ZNF205: variants seen among roughly 807,000 people sequenced by gnomAD.
ZNF205 encodes transcriptional repressor RHIT.
ZNF205 carries 32 observed loss-of-function variants against 53.6 expected under a neutral mutation model. The ratio of observed to expected loss-of-function variants is 0.60; its 90% CI spans 0.45 to 0.80. The LOEUF is 0.80. ZNF205 is among the 30% of genes least tolerant of loss of function. The pLI is 0.00. For missense variants in ZNF205, 836 were observed against 782.4 expected, an observed-to-expected ratio of 1.07 and a Z score of -0.82; for synonymous variants, 382 against 334.3, an observed-to-expected ratio of 1.14 and a Z score of -1.56.
rs146514825 is a variant in ZNF205, at chr16:3,115,845, G to A, written c.288G>A (p.Arg96=). The part of the protein sequence containing the change: ...FLPGGALPSP[R]IPVLSREGRT... Reference sequence around the variant, plus strand: ...CTCCCACAGCCCTCCCCTCCCCCCGGATCCCCGTGCTTTCCCGAGAGGGGA... The same window carrying A: ...CTCCCACAGCCCTCCCCTCCCCCCGAATCCCCGTGCTTTCCCGAGAGGGGA... Residue 96 remains arginine (R), a synonymous_variant, in exon 4 of 7, where the codon CGG becomes CGA. Coordinates refer to ENST00000219091, the MANE Select transcript of ZNF205 (RefSeq NM_001042428.2). The A allele has an allele frequency of 1.2e-6, 2 of 1,613,824 alleles. No homozygotes were observed. Among genetic ancestry groups the A allele is most frequent in the Non-Finnish European group, 1.7e-6 (2 of 1,179,882 alleles).
At chr16:3,118,108 C>T (rs1374467073) in intron 5 of ZNF205, among the ~76,000 whole-genome samples, 2 of 150,450 alleles carry the variant, frequency 1.3e-5, no homozygotes, top group Non-Finnish European at 3.0e-5. Flanking sequence ...GTGATCCGCC[C>T]ACCTCGGCCT....
chr16:3,119,606 G>T lies in ZNF205; in HGVS notation c.946G>T (p.Gly316Cys). ...CTACCGGTGCGAGCAGTGCGGCAAG[G>T]GCTTCAGCTGGCACTCGCACCTGGT... Reference protein sequence around the residue: ...KSYRCEQCGKGFSWHSHLVTH... With the variant: ...KSYRCEQCGKCFSWHSHLVTH... The change falls in exon 7 of 7, where the codon GGC becomes TGC. Residue 316 changes from glycine to cysteine, a missense_variant. Transcript: ENST00000219091. The T allele has an allele frequency of 6.2e-7, 1 of 1,610,394 alleles. No homozygotes were observed.
rs751972089 is a variant in ZNF205, at chr16:3,120,304, A to G, written c.1644A>G (p.Thr548=). ...LGAAAAGALA[T]PPPAPT Reference sequence around the variant, plus strand: ...CGGCGGCGGCGGGGGCTCTGGCCACACCCCCACCCGCTCCCACCTAGGAGG... The same window carrying G: ...CGGCGGCGGCGGGGGCTCTGGCCACGCCCCCACCCGCTCCCACCTAGGAGG... The change falls in exon 7 of 7, where the codon ACA becomes ACG. Residue 548 remains threonine (T), a synonymous_variant. Coordinates refer to ENST00000219091, the MANE Select transcript of ZNF205 (RefSeq NM_001042428.2). The G allele has an allele frequency of 8.3e-6, 13 of 1,568,238 alleles. No individual in the cohort carries two copies. In the South Asian group the frequency reaches 1.4e-4, roughly 17 times the overall value.
chr16:3,116,414 C>G lies in ZNF205; in HGVS notation c.364-13C>G, dbSNP rs560055062. On this transcript the variant is annotated splice_polypyrimidine_tract_variant and intron_variant, in intron 4 of 6. Transcript: ENST00000219091. ...GTCATGTCCTGGAGAGTGGATGTTT[C>G]ACATTGTTTCAGATGCCAGTGACTT... is the stretch of plus-strand genomic sequence containing the variant. 6 of 1,613,818 alleles carry G rather than the reference C, an allele frequency of 3.7e-6. No individual in the cohort carries two copies. In the African/African-American group the frequency reaches 8.0e-5, roughly 22 times the overall value.
At chr16:3,114,645 T>C (rs1392208419) in intron 2 of ZNF205, 1 of 152,234 alleles carries the variant, frequency 6.6e-6, no homozygotes, top group African/African-American at 2.4e-5. Flanking sequence ...TAGTCTCCCG[T>C]GGCTGCTGTA....
At chr16:3,115,263 A>C in intron 2 of ZNF205, 92 bp from the exon 3 acceptor site, 1 of 1,012,062 alleles carries the variant, frequency 9.9e-7, no homozygotes, top group African/African-American at 1.7e-5. Context: ...TGCGTCTTGC[A>C]TGTTGGTTTC....
In ZNF205 at chr16:3,119,949, C is replaced by A. The variant is rs747245937; in HGVS notation, c.1289C>A (p.Thr430Lys). Residue 430 changes from threonine to lysine, a missense_variant, in exon 7 of 7, where the codon ACG becomes AAG. Coordinates refer to ENST00000219091, the MANE Select transcript of ZNF205 (RefSeq NM_001042428.2). ...TGCCCCATCTGCGCCAAGTGCTTCA[C>A]GCAGAGCTCGGCGCTAGTCACCCAC... ...HKCPICAKCF[T>K]QSSALVTHQR... 2 of 1,613,526 alleles carry A rather than the reference C, an allele frequency of 1.2e-6. No homozygotes were observed. Among genetic ancestry groups the A allele is most frequent in the Non-Finnish European group, 1.7e-6 (2 of 1,179,906 alleles).
At chr16:3,119,189 C>A (rs1398405293) in intron 6 of ZNF205, 67 bp from the exon 7 acceptor site, 18 of 1,520,968 alleles carry the variant, frequency 1.2e-5, no homozygotes, top group Non-Finnish European at 1.5e-5. Context: ...CTTAGCTCTG[C>A]CTTCTCCACC....
At chr16:3,118,116 C>A (rs1957368880) in intron 5 of ZNF205, among the ~76,000 whole-genome samples, 1 of 150,530 alleles carries the variant, frequency 6.6e-6, no homozygotes, top group Admixed American at 6.7e-5. Context: ...CCCACCTCGG[C>A]CTCCCAAAGT....
chr16:3,120,322 C>A lies in ZNF205; in HGVS notation c.1662C>A (p.Thr554=). Residue 554 remains threonine, a synonymous_variant, in exon 7 of 7, where the codon ACC becomes ACA. Coordinates refer to ENST00000219091, the MANE Select transcript of ZNF205 (RefSeq NM_001042428.2). ...GALATPPPAP[T] is the part of the protein sequence containing the mutation. ...TGGCCACACCCCCACCCGCTCCCAC[C>A]TAGGAGGCCAGGAAAGGGGGAGCGG... 1 of 1,537,804 alleles carries A rather than the reference C, an allele frequency of 6.5e-7. No individual in the cohort carries two copies.
intron 5 of ZNF205, among the ~76,000 whole-genome samples, chr16:3,118,027 T>TC (rs1567177456): frequency 7.1e-6 from 1 of 141,738 alleles, no homozygotes; most frequent in Non-Finnish European, 1.6e-5. Flanking sequence ...TTTTTTTTTT[T>TC]TTTTTTTTGT....
rs1052675071 is a variant in ZNF205, at chr16:3,120,461, G to C, written c.*136G>C. 3 of 1,056,134 alleles carry C rather than the reference G, an allele frequency of 2.8e-6. No homozygotes were observed. The highest frequency in any genetic ancestry group is 2.9e-5 in the Admixed American group (1 of 34,218). The allele number at this position is 1,056,134 out of a possible 1,614,324, so 65.4% of individuals were successfully genotyped here. A position where few individuals can be genotyped will look rare whatever the true frequency, so the allele number is the denominator to read the frequency against. ...GCATGGGGTGAGGCATGGCGATGGG[G>C]GAGGGCGAGGGCGAGAAAGGGCAGG... On this transcript the variant is annotated 3_prime_UTR_variant, in exon 7 of 7. Coordinates refer to ENST00000219091, the MANE Select transcript of ZNF205 (RefSeq NM_001042428.2).
In ZNF205 at chr16:3,119,715, T is replaced by C. The variant is rs777878449; in HGVS notation, c.1055T>C (p.Ile352Thr). The C allele has an allele frequency of 1.2e-6, 2 of 1,611,380 alleles. No homozygotes were observed. Among genetic ancestry groups the C allele is most frequent in the South Asian group, 1.1e-5 (1 of 90,972 alleles). ...CGCTTCGGCCGCAGCTCGCACCTCA[T>C]CCAGCACCAGATCATCCACACGGGC... Reference protein sequence around the residue: ...GKRFGRSSHLIQHQIIHTGEK... With the variant: ...GKRFGRSSHLTQHQIIHTGEK... Residue 352 changes from isoleucine (I) to threonine (T), a missense_variant, in exon 7 of 7, where the codon ATC (isoleucine) becomes ACC (threonine). By Grantham distance (89) the Ile-to-Thr change is moderately conservative (BLOSUM62 -1). Transcript: ENST00000219091.
rs1346434985 is a variant in ZNF205, at chr16:3,119,961, C to T, written c.1301C>T (p.Ala434Val). The T allele has an allele frequency of 1.9e-6, 3 of 1,613,270 alleles. No homozygotes were observed. Among genetic ancestry groups the T allele is most frequent in the Non-Finnish European group, 2.5e-6 (3 of 1,179,878 alleles). Residue 434 changes from alanine (A) to valine (V), a missense_variant, in exon 7 of 7, where the codon GCG becomes GTG. Transcript: ENST00000219091. ...ICAKCFTQSS[A>V]LVTHQRTHTG... ...GCCAAGTGCTTCACGCAGAGCTCGG[C>T]GCTAGTCACCCACCAGCGCACCCAC...
At chr16:3,116,373 C>T (rs912913308) in intron 4 of ZNF205, 54 bp from the exon 5 acceptor site, 6 of 1,604,794 alleles carry the variant, frequency 3.7e-6, no homozygotes, top group Non-Finnish European at 5.1e-6. Flanking sequence ...CCATGGTGTC[C>T]CTCCACCGTG....
At position 3,119,351 on chromosome 16, in the gene ZNF205, G is replaced by A. The variant is rs1354053392; in HGVS notation, c.691G>A (p.Gly231Ser). ...AACCAGGGCAGGGAGAGTCCAGTGG[G>A]GCGTCCCGCAGTGCGCGCAGGAAGC... ...FRTRAGRVQW[G>S]VPQCAQEAAC... Residue 231 changes from glycine to serine, a missense_variant, in exon 7 of 7, where the codon GGC becomes AGC. Physicochemically the swap from Gly to Ser is moderately conservative, Grantham distance 56 (BLOSUM62 0). Transcript: ENST00000219091. 2 of 1,612,692 alleles carry A rather than the reference G, an allele frequency of 1.2e-6. No individual in the cohort carries two copies. Among genetic ancestry groups the A allele is most frequent in the Non-Finnish European group, 1.7e-6 (2 of 1,179,834 alleles).
At position 3,120,327 on chromosome 16, in the gene ZNF205, A is replaced by T; in HGVS notation, c.*2A>T. The T allele has an allele frequency of 6.6e-7, 1 of 1,524,706 alleles. No homozygotes were observed. The allele number at this position is 1,524,706 out of a possible 1,614,324, so 94.4% of individuals were successfully genotyped here. A position where few individuals can be genotyped will look rare whatever the true frequency, so the allele number is the denominator to read the frequency against. On this transcript the variant is annotated 3_prime_UTR_variant, in exon 7 of 7. Coordinates refer to ENST00000219091, the MANE Select transcript of ZNF205 (RefSeq NM_001042428.2). ...ACACCCCCACCCGCTCCCACCTAGG[A>T]GGCCAGGAAAGGGGGAGCGGGGCGC... is the stretch of plus-strand genomic sequence containing the variant.
At position 3,120,470 on chromosome 16, in the gene ZNF205, G is replaced by A. The variant is rs1306098605; in HGVS notation, c.*145G>A. On this transcript the variant is annotated 3_prime_UTR_variant, in exon 7 of 7. Transcript: ENST00000219091. ...GAGGCATGGCGATGGGGGAGGGCGA[G>A]GGCGAGAAAGGGCAGGCACTCTGCG... The A allele has an allele frequency of 3.1e-5, 30 of 956,388 alleles. No homozygotes were observed. The South Asian group carries it at 4.5e-4, about 14-fold the overall frequency. 59.2% of individuals were successfully genotyped at this position (956,388 alleles called of 1,614,324 possible). A position where few individuals can be genotyped will look rare whatever the true frequency, so the allele number is the denominator to read the frequency against.
intron 5 of ZNF205, among the ~76,000 whole-genome samples, chr16:3,118,158 C>T (rs1957369384): frequency 2.6e-5 from 4 of 151,920 alleles, no homozygotes. Context: ...GCCTGGCCAA[C>T]ACCCAGCTAG....
Sources: allele counts gnomAD v4.1 joint callset (sites outside exome capture counted in the v4.1 genomes callset), GRCh38; gene constraint gnomAD v4.1.1; transcripts MANE v1.5; gene names NCBI Gene and HGNC (gene_info 2026-07-23, HGNC 2026-07-21).